CEP70: variants seen among roughly 807,000 people sequenced by gnomAD.
CEP70 encodes centrosomal protein 70.
A neutral mutation model predicts 90.9 loss-of-function variants in CEP70; 70 were observed. That is an observed-to-expected ratio of 0.77 (90% CI 0.64 to 0.94). The LOEUF is 0.94. CEP70 is among the 40% of genes least tolerant of loss of function. CEP70 has a pLI of 0.00. For synonymous variants in CEP70, 220 were observed against 228.3 expected, an observed-to-expected ratio of 0.96 and a Z score of 0.33; for missense variants, 648 against 669.0, an observed-to-expected ratio of 0.97 and a Z score of 0.35.
At chr3:138,556,872 A>G (rs1576815055) in intron 6 of CEP70, among the ~76,000 whole-genome samples, 1 of 152,292 alleles carries the variant, frequency 6.6e-6, no homozygotes, top group East Asian at 1.9e-4. Context: ...ACCGGGGCGA[A>G]ATTAAAATTG....
At chr3:138,529,320 T>G (rs1413642841) in intron 9 of CEP70, 33 bp from the exon 10 acceptor site, 2 of 1,567,502 alleles carry the variant, frequency 1.3e-6, no homozygotes, top group African/African-American at 2.7e-5. Context: ...ATAATTAACT[T>G]TCTTAGATTA....
intron 2 of CEP70, among the ~76,000 whole-genome samples, chr3:138,582,943 AAAG>A (rs1218853755): frequency 1.3e-5 from 2 of 152,130 alleles, no homozygotes; most frequent in African/African-American, 4.8e-5. Flanking sequence ...AAGAAGGAAA[AAAG>A]AAGAGAAGAC....
intron 2 of CEP70, among the ~76,000 whole-genome samples, chr3:138,583,359 T>G (rs968411805): frequency 6.6e-6 from 1 of 152,226 alleles, no homozygotes; most frequent in African/African-American, 2.4e-5. Flanking sequence ...TCAATAATAG[T>G]TGAAGACTTC....
At chr3:138,507,302 A>G (rs1043437172) in intron 12 of CEP70, among the ~76,000 whole-genome samples, 7 of 152,226 alleles carry the variant, frequency 4.6e-5, no homozygotes, top group African/African-American at 1.4e-4. Context: ...ATGAAAGTAC[A>G]TATTTCTGAA....
chr3:138,544,699 G>A (rs2039051684), intron 6 of CEP70, among the ~76,000 whole-genome samples: 1 of 152,142 alleles, frequency 6.6e-6, no homozygotes. Context: ...AATGTGGTAT[G>A]TGTACACAAA....
chr3:138,523,095 G>A (rs986328413), intron 11 of CEP70, among the ~76,000 whole-genome samples: 10 of 152,022 alleles, frequency 6.6e-5, no homozygotes, highest in South Asian at 2.1e-4. Flanking sequence ...AATGTAATCC[G>A]GCATATAAAC....
intron 12 of CEP70, among the ~76,000 whole-genome samples, chr3:138,506,461 C>T (rs540879981): frequency 8.6e-5 from 13 of 151,844 alleles, no homozygotes; most frequent in East Asian, 5.8e-4. Context: ...ACATATCATC[C>T]GAGGAAAAAA....
chr3:138,552,256 A>C (rs1368385855), intron 6 of CEP70, among the ~76,000 whole-genome samples: 1 of 152,214 alleles, frequency 6.6e-6, no homozygotes, highest in African/African-American at 2.4e-5. Flanking sequence ...TGACAGCACT[A>C]GACAGGTCAT....
Position 138,594,245 on chromosome 3 carries a change from G to C in CEP70, c.-156C>G, listed in dbSNP as rs750679285. ...ACCAGCAGCCAGCCGGGCCAGGTTA[G>C]GCTGGGATCAGCTACGTCAGGCCCC... On this transcript the variant is annotated 5_prime_UTR_variant, in exon 1 of 18. Coordinates refer to ENST00000264982, the MANE Select transcript of CEP70 (RefSeq NM_024491.4). 2.0e-5 allele frequency: 3 copies of C among 152,494 alleles called. No homozygotes were observed. The highest frequency in any genetic ancestry group is 2.9e-5 in the Non-Finnish European group (2 of 68,268). The allele number at this position is 152,494 out of a possible 1,614,324, so 9.4% of individuals were successfully genotyped here. A position where few individuals can be genotyped will look rare whatever the true frequency, so the allele number is the denominator to read the frequency against.
chr3:138,560,134 T>C (rs1576830299), intron 6 of CEP70, among the ~76,000 whole-genome samples: 14 of 151,494 alleles, frequency 9.2e-5, no homozygotes, highest in Admixed American at 7.9e-4. Flanking sequence ...AGAAGGCGGG[T>C]GATTTCTGCG....
chr3:138,546,832 A>G (rs189786401), intron 6 of CEP70, among the ~76,000 whole-genome samples: 1 of 152,274 alleles, frequency 6.6e-6, no homozygotes, highest in East Asian at 1.9e-4. Flanking sequence ...GACTCAGTGA[A>G]AACCCTTTTC....
At chr3:138,526,308 G>A (rs546497229) in intron 10 of CEP70, among the ~76,000 whole-genome samples, 1 of 151,894 alleles carries the variant, frequency 6.6e-6, no homozygotes, top group Admixed American at 6.6e-5. Flanking sequence ...CTACCGATGC[G>A]TACCACCACA....
chr3:138,585,356 A>G (rs12490633), intron 2 of CEP70, among the ~76,000 whole-genome samples: 69,294 of 151,986 alleles, frequency 0.46, 17,397 homozygotes, highest in Admixed American at 0.6. Context: ...ACATCTCTAC[A>G]ATGAAAATTA....
At chr3:138,511,573 G>A (rs533429338) in intron 11 of CEP70, among the ~76,000 whole-genome samples, 2 of 152,284 alleles carry the variant, frequency 1.3e-5, no homozygotes, top group Non-Finnish European at 2.9e-5. Flanking sequence ...TTTACTGTCA[G>A]TGCAATAACC....
In CEP70 at chr3:138,537,183, A is replaced by T. The variant is rs957026029; in HGVS notation, c.630T>A (p.Asp210Glu). Residue 210 changes from aspartate to glutamate, a missense_variant, in exon 7 of 18, where the codon GAT becomes GAA. Transcript: ENST00000264982. ...AATTTATGTAGCAAAATTACTGTCTATCCAAGACGGTATGAGGAACTCTTT... is the reference window on the plus strand; with the variant it reads ...AATTTATGTAGCAAAATTACTGTCTTTCCAAGACGGTATGAGGAACTCTTT... ...LCKRVPHTVLDRQLLCLIDYY... is the reference protein window; with the variant it reads ...LCKRVPHTVLERQLLCLIDYY... 1 of 1,558,928 alleles carries T rather than the reference A, an allele frequency of 6.4e-7. No individual in the cohort carries two copies. The highest frequency in any genetic ancestry group is 1.4e-5 in the African/African-American group (1 of 71,766).
intron 17 of CEP70, chr3:138,497,332 A>T (rs1002386083): frequency 4.0e-5 from 9 of 222,754 alleles, no homozygotes; most frequent in Non-Finnish European, 6.6e-5. Context: ...GCCATTCTTT[A>T]AAAAAAAAAA....
chr3:138,505,518 G>A, intron 12 of CEP70, 53 bp from the exon 13 acceptor site: 2 of 1,247,960 alleles, frequency 1.6e-6, no homozygotes, highest in Non-Finnish European at 2.2e-6. Context: ...TGCCTACAAA[G>A]TTATATATTT....
In CEP70 at chr3:138,537,344, T is replaced by C. The variant is rs371557652; in HGVS notation, c.469A>G (p.Lys157Glu). The change falls in exon 7 of 18, where the codon AAG becomes GAG. Residue 157 changes from lysine (K) to glutamate (E), a missense_variant. Coordinates refer to ENST00000264982, the MANE Select transcript of CEP70 (RefSeq NM_024491.4). ...LQKEQKTLQV[K>E]CQHYKKKRTE... ...CGTTTTTTCTTATAATGCTGGCACT[T>C]CACCTATAAGATATTTTTTAAAAAC... is the stretch of plus-strand genomic sequence containing the variant. 14 of 1,582,672 alleles carry C rather than the reference T, an allele frequency of 8.8e-6. No homozygotes were observed. The highest frequency in any genetic ancestry group is 8.2e-5 in the African/African-American group (6 of 73,060).
At chr3:138,572,104 G>A (rs2041217839) in intron 3 of CEP70, among the ~76,000 whole-genome samples, 1 of 151,846 alleles carries the variant, frequency 6.6e-6, no homozygotes, top group Admixed American at 6.6e-5. Context: ...TAATGACTAG[G>A]GTCACAAAAA....
Sources: gnomAD v4.1 joint callset for allele counts (sites outside exome capture counted in the v4.1 genomes callset) on GRCh38, gnomAD v4.1.1 for gene constraint, MANE v1.5 for transcripts, NCBI Gene and HGNC (gene_info 2026-07-23, HGNC 2026-07-21) for gene names.